The following FRMPD4 variants were observed in gnomAD, a reference collection of about 807,000 sequenced individuals.
The protein encoded by FRMPD4 is FERM and PDZ domain containing 4.
In FRMPD4, 22 loss-of-function variants were observed where a neutral mutation model predicts 94.1. The observed-to-expected ratio is 0.23, with a 90% confidence interval of 0.17 to 0.33. FRMPD4 has a LOEUF of 0.33. Among genes scored for constraint, FRMPD4 ranks in the 10% least tolerant of loss-of-function variants. FRMPD4 has a pLI of 1.00. For synonymous variants in FRMPD4, 631 were observed against 548.6 expected (o/e 1.15, Z -2.10); for missense variants, 1,111 against 1,339.9 (o/e 0.83, Z 2.67).
intron 3 of FRMPD4, among the ~76,000 whole-genome samples, chrX:12,044,939 A>C (rs1427638970): frequency 8.9e-6 from 1 of 112,311 alleles, no homozygotes; most frequent in East Asian, 2.8e-4. Context: ...TTTACTATGT[A>C]TTAGAAAATG....
At chrX:11,916,607 T>G (rs769636126) in intron 3 of FRMPD4, among the ~76,000 whole-genome samples, 3 of 111,114 alleles carry the variant, frequency 2.7e-5, no homozygotes, top group African/African-American at 6.6e-5. Context: ...TCACCTCCCA[T>G]GAAGGCTTCC....
chrX:11,930,892 G>T (rs910948519), intron 3 of FRMPD4, among the ~76,000 whole-genome samples: 2 of 110,759 alleles, frequency 1.8e-5, no homozygotes, highest in South Asian at 7.8e-4. Context: ...TGAGGAGTAG[G>T]TCAATGATGA....
intron 4 of FRMPD4, among the ~76,000 whole-genome samples, chrX:12,669,703 G>C (rs757021891): frequency 8.9e-6 from 1 of 111,781 alleles, no homozygotes; most frequent in Non-Finnish European, 1.9e-5. Flanking sequence ...TTAAGTTAAA[G>C]AGGAAGTGAA....
At chrX:11,941,518 G>A (rs766798100) in intron 3 of FRMPD4, among the ~76,000 whole-genome samples, 1 of 111,666 alleles carries the variant, frequency 9.0e-6, no homozygotes, top group Admixed American at 9.6e-5. Flanking sequence ...TAGGTGCTTT[G>A]TACACATCAC....
intron 4 of FRMPD4, among the ~76,000 whole-genome samples, chrX:12,667,131 C>T (rs1569398611): frequency 8.9e-6 from 1 of 112,269 alleles, no homozygotes; most frequent in East Asian, 2.8e-4. Context: ...AATGTTATTT[C>T]ACTGTTTATA....
intron 3 of FRMPD4, among the ~76,000 whole-genome samples, chrX:12,087,178 T>C (rs1157172625): frequency 1.8e-5 from 2 of 111,540 alleles, no homozygotes; most frequent in Non-Finnish European, 3.8e-5. Context: ...GAGGGGATTA[T>C]AGAAGGCTGT....
intron 2 of FRMPD4, among the ~76,000 whole-genome samples, chrX:12,605,915 G>A (rs1368709887): frequency 1.8e-5 from 2 of 111,414 alleles, no homozygotes; most frequent in Non-Finnish European, 3.8e-5. Context: ...CTTCTTTGTC[G>A]CTGAACACTA....
At chrX:12,098,033 C>G (rs1271963111) in intron 3 of FRMPD4, among the ~76,000 whole-genome samples, 1 of 112,143 alleles carries the variant, frequency 8.9e-6, no homozygotes, top group Non-Finnish European at 1.9e-5. Flanking sequence ...TACTATCCCA[C>G]CAGCAATTTA....
intron 1 of FRMPD4, among the ~76,000 whole-genome samples, chrX:12,202,403 G>A (rs2056641464): frequency 8.9e-6 from 1 of 112,036 alleles, no homozygotes; most frequent in African/African-American, 3.2e-5. Flanking sequence ...GAGTGGTTAT[G>A]TAAGCATTCT....
rs1410433576 is a variant in FRMPD4, at chrX:12,231,002, AATATATAGT to A, written c.41+92007_41+92015del. 9.5e-4 allele frequency among the ~76,000 whole-genome samples: 48 copies of A among 50,743 alleles called. 1 individual carries two copies. The highest frequency in any genetic ancestry group is 3.3e-3 in the African/African-American group (46 of 14,063). The allele number at this position is 50,743 out of a possible 115,157, so 44.1% of individuals were successfully genotyped here. On this transcript the variant is annotated intron_variant, in intron 1 of 16. Coordinates refer to ENST00000675598, the MANE Select transcript of FRMPD4 (RefSeq NM_001368397.1). The stretch of plus-strand genomic sequence containing the variant: ...TATATATAGTATATATAGTATATAT[AATATATAGT>A]ATATATAGTATATATATAGTATATA...
chrX:12,693,099 A>G (rs1468972164), intron 8 of FRMPD4, among the ~76,000 whole-genome samples: 3 of 112,187 alleles, frequency 2.7e-5, no homozygotes, highest in Non-Finnish European at 5.6e-5. Context: ...AAGTTAGCGA[A>G]CTGTAAATAC....
intron 1 of FRMPD4, among the ~76,000 whole-genome samples, chrX:12,352,065 G>A (rs913039953): frequency 2.7e-5 from 3 of 111,902 alleles, no homozygotes; most frequent in Admixed American, 9.5e-5. Flanking sequence ...CTCAGCTTTA[G>A]TATTGACTTC....
intron 3 of FRMPD4, among the ~76,000 whole-genome samples, chrX:11,970,521 G>T (rs1236658701): frequency 8.9e-6 from 1 of 111,978 alleles, no homozygotes; most frequent in Non-Finnish European, 1.9e-5. Context: ...TGACTATGTT[G>T]GAAACACAGA....
chrX:11,866,188 T>C (rs1458443653), intron 2 of FRMPD4, among the ~76,000 whole-genome samples: 1 of 111,782 alleles, frequency 8.9e-6, no homozygotes, highest in African/African-American at 3.3e-5. Context: ...CTATCCTCTC[T>C]CTTCTGATTT....
At chrX:12,093,179 G>A (rs186524375) in intron 3 of FRMPD4, among the ~76,000 whole-genome samples, 8 of 111,567 alleles carry the variant, frequency 7.2e-5, no homozygotes, top group African/African-American at 2.0e-4. Context: ...AGAATGTGGG[G>A]AAGATTGTGG....
chrX:12,351,606 T>C (rs1014112171), intron 1 of FRMPD4, among the ~76,000 whole-genome samples: 2 of 112,853 alleles, frequency 1.8e-5, no homozygotes, highest in Non-Finnish European at 3.7e-5. Context: ...AGTTACATCC[T>C]AGAACAAGAC....
In FRMPD4 at chrX:12,101,157, G is replaced by A. The variant is rs776370071; in HGVS notation, c.95+223139G>A. Among the ~76,000 whole-genome samples the A allele has an allele frequency of 4.5e-5, 5 of 111,074 alleles. No individual in the cohort carries two copies. The South Asian group carries it at 2.0e-3, about 43-fold the overall frequency. ...GTGTGTTTCTGTAGATGCTCATCTGGCATCTGGGGTGTGTTTCCATAGGTT... is the reference window on the plus strand; with the variant it reads ...GTGTGTTTCTGTAGATGCTCATCTGACATCTGGGGTGTGTTTCCATAGGTT... On this transcript the variant is annotated intron_variant, in intron 3 of 18. Transcript: ENST00000640291.
chrX:12,549,469 T>C (rs780234052), intron 2 of FRMPD4, among the ~76,000 whole-genome samples: 1 of 112,826 alleles, frequency 8.9e-6, no homozygotes, highest in Non-Finnish European at 1.9e-5. Flanking sequence ...ATTTACATTC[T>C]ATAGCTGAAG....
rs184376560 is a variant in FRMPD4, at chrX:12,713,583, C to A, written c.1610-2486C>A. ...TGATAGACCTAGGTTGAGCAGCAGTCTGGGCTCAGCATACTCTAAGGGCTG... is the reference window on the plus strand; with the variant it reads ...TGATAGACCTAGGTTGAGCAGCAGTATGGGCTCAGCATACTCTAAGGGCTG... On this transcript the variant is annotated intron_variant, in intron 14 of 16. Coordinates refer to ENST00000675598, the MANE Select transcript of FRMPD4 (RefSeq NM_001368397.1). 2.7e-5 allele frequency among the ~76,000 whole-genome samples: 3 copies of A among 111,066 alleles called. No homozygotes were observed. In the East Asian group the frequency reaches 8.5e-4, roughly 31 times the overall value.
Sources: allele counts gnomAD v4.1 joint callset (sites outside exome capture counted in the v4.1 genomes callset), GRCh38; gene constraint gnomAD v4.1.1; transcripts MANE v1.5; gene names NCBI Gene and HGNC (gene_info 2026-07-23, HGNC 2026-07-21).